Variants in IGFL2 observed in about 807,000 individuals in gnomAD.
The protein encoded by IGFL2 is IGF like family member 2.
IGFL2 carries 7 observed loss-of-function variants against 13.9 expected under a neutral mutation model. That is an observed-to-expected ratio of 0.51 (90% CI 0.29 to 0.95). The LOEUF is 0.95. Among genes scored for constraint, IGFL2 ranks in the 40% least tolerant of loss-of-function variants. IGFL2 has a pLI of 0.08. For synonymous variants in IGFL2, 55 were observed against 55.8 expected (o/e 0.99, Z 0.07); for missense variants, 138 against 147.8 (o/e 0.93, Z 0.34).
chr19:46,134,772 T>C, the IGFL2 span, among the ~76,000 whole-genome samples: 8 of 152,208 alleles, frequency 5.3e-5, no homozygotes, highest in African/African-American at 1.9e-4. Flanking sequence ...CTCCACCCAC[T>C]AAGTCACTGC....
chr19:46,104,364 C>G, the IGFL2 span, among the ~76,000 whole-genome samples: 11 of 152,188 alleles, frequency 7.2e-5, no homozygotes, highest in Admixed American at 1.3e-4. Flanking sequence ...TCCGTTCTAC[C>G]TTTCCTGAAG....
At chr19:46,137,085 T>C in the IGFL2 span, 1 of 1,602,796 alleles carries the variant, frequency 6.2e-7, no homozygotes, top group Non-Finnish European at 8.5e-7. Context: ...GAAGACGGCT[T>C]AGGAGACAAT....
At chr19:46,185,237 A>C in the IGFL2 span, among the ~76,000 whole-genome samples, 1 of 148,322 alleles carries the variant, frequency 6.7e-6, no homozygotes, top group Admixed American at 6.7e-5. Flanking sequence ...CCTTTTTTCT[A>C]CCCCCCTCCC....
chr19:46,119,269 G>A, the IGFL2 span, among the ~76,000 whole-genome samples: 5 of 152,264 alleles, frequency 3.3e-5, no homozygotes, highest in Non-Finnish European at 7.4e-5. Flanking sequence ...CTGGGGACAA[G>A]CCTGCCAACT....
At chr19:46,125,176 A>G in the IGFL2 span, among the ~76,000 whole-genome samples, 5 of 152,300 alleles carry the variant, frequency 3.3e-5, no homozygotes, top group South Asian at 1.0e-3. Context: ...TGGAGTCATT[A>G]GAGTTGCCAC....
chr19:46,121,024 AATTT>A, the IGFL2 span, among the ~76,000 whole-genome samples: 4 of 150,490 alleles, frequency 2.7e-5, no homozygotes, highest in African/African-American at 9.9e-5. Context: ...TTTTTAAAAT[AATTT>A]ATTTGCATTT....
the IGFL2 span, among the ~76,000 whole-genome samples, chr19:46,119,430 T>C: frequency 6.6e-6 from 1 of 152,186 alleles, no homozygotes; most frequent in Non-Finnish European, 1.5e-5. Context: ...TGCAAGCTTC[T>C]AAGCCAGACA....
At chr19:46,177,630 C>T in the IGFL2 span, among the ~76,000 whole-genome samples, 2 of 152,142 alleles carry the variant, frequency 1.3e-5, no homozygotes, top group East Asian at 1.9e-4. Context: ...GGTCCAGGGA[C>T]CCTTCCAAAT....
At chr19:46,081,135 C>A in the IGFL2 span, among the ~76,000 whole-genome samples, 1 of 152,162 alleles carries the variant, frequency 6.6e-6, no homozygotes, top group Admixed American at 6.5e-5. Context: ...CCAGGCCACA[C>A]CAAAGGTCAG....
chr19:46,160,680 C>G lies in IGFL2; in HGVS notation c.140C>G (p.Pro47Arg), dbSNP rs1974113730. 6.2e-7 allele frequency: 1 copy of G among 1,614,074 alleles called. No homozygotes were observed. Among genetic ancestry groups the G allele is most frequent in the African/African-American group, 1.3e-5 (1 of 74,922 alleles). The change falls in exon 3 of 4, where the codon CCC (proline) becomes CGC (arginine). Residue 47 changes from proline (P) to arginine (R), a missense_variant. By Grantham distance (103) the Pro-to-Arg change is moderately radical. Transcript: ENST00000377693. ...AGGTGTGGAGACAAGATCTACAACC[C>G]CTTGGAGCAGTGCTGTTACAATGAC... ...APRCGDKIYN[P>R]LEQCCYNDAI...
chr19:46,195,326 T>A, the IGFL2 span, among the ~76,000 whole-genome samples: 31 of 152,152 alleles, frequency 2.0e-4, no homozygotes, highest in Non-Finnish European at 1.5e-5. Context: ...GGTGCCCTGT[T>A]AATTAATGAC....
the IGFL2 span, among the ~76,000 whole-genome samples, chr19:46,133,878 C>G: frequency 1.3e-5 from 2 of 152,064 alleles, no homozygotes; most frequent in Admixed American, 1.3e-4. Flanking sequence ...GACATGAGGT[C>G]AAAATAGTTT....
chr19:46,132,413 G>T, the IGFL2 span, among the ~76,000 whole-genome samples: 3 of 152,254 alleles, frequency 2.0e-5, no homozygotes, highest in Non-Finnish European at 4.4e-5. Flanking sequence ...CAATTCATTG[G>T]GACATAAGTG....
At chr19:46,131,103 CTAAGT>C in the IGFL2 span, among the ~76,000 whole-genome samples, 1 of 152,116 alleles carries the variant, frequency 6.6e-6, no homozygotes, top group Non-Finnish European at 1.5e-5. Context: ...GATGCTGAGT[CTAAGT>C]TAATTTTCTT....
At chr19:46,116,919 A>G in the IGFL2 span, among the ~76,000 whole-genome samples, 230 of 152,240 alleles carry the variant, frequency 1.5e-3, 1 homozygote, top group African/African-American at 4.9e-3. Context: ...ATATTGTACA[A>G]CTTACACAAG....
the IGFL2 span, among the ~76,000 whole-genome samples, chr19:46,101,454 A>T: frequency 6.6e-6 from 1 of 152,144 alleles, no homozygotes; most frequent in Non-Finnish European, 1.5e-5. Flanking sequence ...GGCCTCGCCC[A>T]GTGAGGAGGG....
the IGFL2 span, among the ~76,000 whole-genome samples, chr19:46,174,628 G>A: frequency 1.3e-5 from 2 of 152,150 alleles, no homozygotes; most frequent in African/African-American, 4.8e-5. Flanking sequence ...GGAGTGGGTA[G>A]GGCAATAGGA....
At chr19:46,112,761 G>A in the IGFL2 span, among the ~76,000 whole-genome samples, 9 of 152,232 alleles carry the variant, frequency 5.9e-5, no homozygotes, top group Admixed American at 5.9e-4. Flanking sequence ...AAGTGATTTG[G>A]AAGAATCATC....
At position 46,160,525 on chromosome 19, in the gene IGFL2, C is replaced by T. The variant is rs1187155069; in HGVS notation, c.73+57C>T. 2.5e-6 allele frequency: 4 copies of T among 1,611,610 alleles called. No homozygotes were observed. The Admixed American group carries it at 5.0e-5, about 20-fold the overall frequency. ...AAGGAGGCTGACTTTGGAAAGTGGG[C>T]ATGGGGGTTCACAGAGGGCTCCTGA... On this transcript the variant is annotated intron_variant, in intron 2 of 3. Transcript: ENST00000377693.
Sources: gnomAD v4.1 joint callset for allele counts (sites outside exome capture counted in the v4.1 genomes callset) on GRCh38, gnomAD v4.1.1 for gene constraint, MANE v1.5 for transcripts, NCBI Gene and HGNC (gene_info 2026-07-23, HGNC 2026-07-21) for gene names.